HERC2: variants seen among roughly 807,000 people sequenced by gnomAD.
HERC2 encodes the protein HECT and RLD domain containing E3 ubiquitin protein ligase 2.
HERC2 carries 102 observed loss-of-function variants against 537.7 expected under a neutral mutation model. The observed-to-expected ratio is 0.19, with a 90% CI of 0.16 to 0.22. The LOEUF is 0.22. HERC2 is among the 10% of genes least tolerant of loss of function. The pLI is 1.00. For synonymous variants in HERC2, 2,224 were observed against 2,466.2 expected (o/e 0.90, Z 2.91); for missense variants, 4,236 against 6,198.2 (o/e 0.68, Z 10.63).
In HERC2 at chr15:28,128,520, C is replaced by A. The variant is rs553032932; in HGVS notation, c.12802+1643G>T. Among the ~76,000 whole-genome samples, 88 of 152,340 alleles carry A rather than the reference C, an allele frequency of 5.8e-4. 2 individuals are homozygous for A. Among genetic ancestry groups the A allele is most frequent in the African/African-American group, 2.0e-3 (85 of 41,576 alleles). On this transcript the variant is annotated intron_variant, in intron 83 of 92. Coordinates refer to ENST00000261609, the MANE Select transcript of HERC2 (RefSeq NM_004667.6). The stretch of plus-strand genomic sequence containing the variant: ...CAAGAACTACAATGTCCTTCCACTA[C>A]AGGCCACAGAAGTTGCTCATTCATC...
rs181962501 is a variant in HERC2, at chr15:28,161,997, G to C, written c.10746+1097C>G. ...TATTCTTACATCAAAATAAATCCCAGGTGGCTAAAAAATGTAAACAATACA... is the reference window on the plus strand; with the variant it reads ...TATTCTTACATCAAAATAAATCCCACGTGGCTAAAAAATGTAAACAATACA... On this transcript the variant is annotated intron_variant, in intron 69 of 92. Transcript: ENST00000261609. 4.9e-4 allele frequency among the ~76,000 whole-genome samples: 75 copies of C among 152,206 alleles called. No individual in the cohort carries two copies. The East Asian group carries it at 9.7e-3, about 20-fold the overall frequency.
In HERC2 at chr15:28,202,069, C is replaced by T. The variant is rs747744812; in HGVS notation, c.7617+44G>A. The T allele has an allele frequency of 5.0e-5, 52 of 1,031,494 alleles. No homozygotes were observed. The East Asian group carries it at 6.4e-4, about 13-fold the overall frequency. 63.9% of individuals were successfully genotyped at this position (1,031,494 alleles called of 1,614,324 possible). On this transcript the variant is annotated intron_variant, in intron 47 of 92. Coordinates refer to ENST00000261609, the MANE Select transcript of HERC2 (RefSeq NM_004667.6). ...GGTGTAAGACTGTTAGAGCGCTAGA[C>T]GGACAGCGGCCCAGGTGCGGGCGGT...
chr15:28,207,614 T>C (rs1372909229), intron 44 of HERC2, among the ~76,000 whole-genome samples: 4 of 152,154 alleles, frequency 2.6e-5, no homozygotes. Flanking sequence ...TGAGTAGCTT[T>C]AGGTGCAGCC....
chr15:28,294,762 G>A (rs1335801511), intron 3 of HERC2, among the ~76,000 whole-genome samples: 6 of 151,934 alleles, frequency 3.9e-5, no homozygotes, highest in Non-Finnish European at 5.9e-5. Flanking sequence ...TGCAGCCCCC[G>A]TGTGGCATGC....
rs1453764889 is a variant in HERC2, at chr15:28,254,400, A to G, written c.2990T>C (p.Ile997Thr). The G allele has an allele frequency of 1.2e-6, 2 of 1,608,582 alleles. No individual in the cohort carries two copies. The highest frequency in any genetic ancestry group is 1.7e-5 in the Admixed American group (1 of 58,842). Reference sequence around the variant, plus strand: ...ACACTGTTTGCCAGAAGACTCACAGATCCCCGTATTAATAAGGTCTTTATC... The same window carrying G: ...ACACTGTTTGCCAGAAGACTCACAGGTCCCCGTATTAATAAGGTCTTTATC... ...PLDKDLINTG[I>T]CESSGKQCLP... is the part of the protein sequence containing the mutation. Residue 997 changes from isoleucine to threonine, a missense_variant, in exon 20 of 93, where the codon ATC (isoleucine) becomes ACC (threonine). By Grantham distance (89) the Ile-to-Thr change is moderately conservative (BLOSUM62 -1). Coordinates refer to ENST00000261609, the MANE Select transcript of HERC2 (RefSeq NM_004667.6).
rs77046420 is a variant in HERC2 at position 28,194,627 on chromosome 15, C to T, written c.8260+1588G>A. Among the ~76,000 whole-genome samples the T allele has an allele frequency of 3.3e-3, 501 of 151,940 alleles. 6 individuals carry two copies. Among genetic ancestry groups the T allele is most frequent in the African/African-American group, 0.012 (480 of 41,492 alleles). On this transcript the variant is annotated intron_variant, in intron 52 of 92. Coordinates refer to ENST00000261609, the MANE Select transcript of HERC2 (RefSeq NM_004667.6). ...ACAGGCATGAGCCACTGTGCCTGGC[C>T]GATCCTTTGACATTTTTTGGAACTT...
At chr15:28,299,588 G>GA (rs1206615388) in intron 2 of HERC2, 72 bp from the exon 3 acceptor site, 8 of 769,220 alleles carry the variant, frequency 1.0e-5, no homozygotes, top group South Asian at 3.1e-5. Context: ...AATGATATGG[G>GA]AAAAAAATCT....
At chr15:28,172,803 C>CTCTT (rs1894824729) in intron 65 of HERC2, among the ~76,000 whole-genome samples, 1 of 152,152 alleles carries the variant, frequency 6.6e-6, no homozygotes, top group African/African-American at 2.4e-5. Flanking sequence ...TTAAGATTCA[C>CTCTT]CTGTGAAGAG....
intron 38 of HERC2, among the ~76,000 whole-genome samples, chr15:28,217,863 T>A (rs1900099028): frequency 6.6e-6 from 1 of 151,858 alleles, no homozygotes. Context: ...TCCCAGAAGC[T>A]GGACAAAGTA....
intron 69 of HERC2, among the ~76,000 whole-genome samples, chr15:28,159,711 T>C (rs1246980223): frequency 6.6e-6 from 1 of 152,256 alleles, no homozygotes; most frequent in African/African-American, 2.4e-5. Context: ...TTTGATCGTC[T>C]GAAGCCTTCC....
intron 7 of HERC2, among the ~76,000 whole-genome samples, chr15:28,273,874 A>G (rs537767066): frequency 1.3e-5 from 2 of 152,352 alleles, no homozygotes; most frequent in South Asian, 4.1e-4. Flanking sequence ...TTTACACTAA[A>G]AAGATCAGCT....
intron 70 of HERC2, among the ~76,000 whole-genome samples, chr15:28,152,210 G>T (rs997312066): frequency 1.7e-4 from 26 of 152,364 alleles, no homozygotes; most frequent in Non-Finnish European, 3.4e-4. Context: ...GCAGATCCAG[G>T]CTGCAGTGAA....
At position 28,274,441 on chromosome 15, in the gene HERC2, T is replaced by A. The variant is rs1596368359; in HGVS notation, c.650A>T (p.Asp217Val). 6.2e-7 allele frequency: 1 copy of A among 1,610,336 alleles called. No homozygotes were observed. Among genetic ancestry groups the A allele is most frequent in the Non-Finnish European group, 8.5e-7 (1 of 1,178,448 alleles). ...FLRRAWRSGE[D>V]ADLCSELLQE... ...CAACAGCTCACTGCAGAGGTCCGCA[T>A]CCTCGCCTGGGCGCACACACGCGTC... Residue 217 changes from aspartate (D) to valine (V), a missense_variant, in exon 7 of 93, where the codon GAT (aspartate) becomes GTT (valine). By Grantham distance (152) the Asp-to-Val change is radical. Coordinates refer to ENST00000261609, the MANE Select transcript of HERC2 (RefSeq NM_004667.6).
intron 56 of HERC2, among the ~76,000 whole-genome samples, chr15:28,186,258 G>T (rs1383076340): frequency 2.6e-5 from 4 of 151,786 alleles, no homozygotes; most frequent in Non-Finnish European, 5.9e-5. Context: ...ACTTCCATAG[G>T]ACAATAAATT....
chr15:28,221,916 A>T, intron 36 of HERC2, 112 bp downstream of exon 36: 1 of 933,016 alleles, frequency 1.1e-6, no homozygotes, highest in South Asian at 1.3e-5. Context: ...CTGTGTCATC[A>T]ATCAACTGAC....
chr15:28,258,304 T>C (rs2075322714), intron 16 of HERC2, among the ~76,000 whole-genome samples: 1 of 152,028 alleles, frequency 6.6e-6, no homozygotes, highest in African/African-American at 2.4e-5. Flanking sequence ...ACCCCATCTC[T>C]ACTGAAAATA....
chr15:28,122,302 T>C lies in HERC2; in HGVS notation c.13189-873A>G, dbSNP rs1405298235. Among the ~76,000 whole-genome samples, 1 of 152,184 alleles carries C rather than the reference T, an allele frequency of 6.6e-6. No homozygotes were observed. The highest frequency in any genetic ancestry group is 1.5e-5 in the Non-Finnish European group (1 of 68,026). On this transcript the variant is annotated intron_variant, in intron 85 of 92. Transcript: ENST00000261609. The surrounding 1 kb of genome is among the most constrained non-coding windows in gnomAD (Gnocchi z 4.1). ...ACGCAGCCGTGCCAATGGAAAGGGA[T>C]GAGACAGGTCAGCAGGGGTCTCAGC...
chr15:28,233,251 C>T lies in HERC2; in HGVS notation c.4570G>A (p.Val1524Ile). ...RFLFNELRPA[V>I]CNDLSIMSKF... ...GACATTATAGAGAGGTCATTACAAA[C>T]AGCAGGTCTCAATTCATTAAAGAGG... Residue 1524 changes from valine (V) to isoleucine (I), a missense_variant, in exon 30 of 93, where the codon GTT (valine) becomes ATT (isoleucine). This residue lies in a region of HERC2 where 343 missense variants were observed against 417.2 expected (regional missense o/e 0.82). Transcript: ENST00000261609. The T allele has an allele frequency of 6.4e-7, 1 of 1,570,694 alleles. No individual in the cohort carries two copies.
intron 56 of HERC2, among the ~76,000 whole-genome samples, chr15:28,184,399 C>A (rs993563553): frequency 6.6e-6 from 1 of 152,106 alleles, no homozygotes; most frequent in African/African-American, 2.4e-5. Flanking sequence ...GCCTGGGCCA[C>A]TGACTCATTC....
Sources: gnomAD v4.1 joint callset for allele counts (sites outside exome capture counted in the v4.1 genomes callset) on GRCh38, gnomAD v4.1.1 for gene constraint, gnomAD v4.1.1 regional missense constraint, Gnocchi (gnomAD v3.1) non-coding constraint, MANE v1.5 for transcripts, NCBI Gene and HGNC (gene_info 2026-07-23, HGNC 2026-07-21) for gene names.